The following DENND2A variants were observed in gnomAD, a reference collection of about 807,000 sequenced individuals.
DENND2A encodes DENN domain-containing protein 2A.
In DENND2A, 53 loss-of-function variants were observed where a neutral mutation model predicts 105.3. That is an observed-to-expected ratio of 0.50 (90% CI 0.40 to 0.63). The LOEUF is 0.63. DENND2A is among the 30% of genes least tolerant of loss of function. The pLI, the probability that DENND2A is intolerant of heterozygous loss-of-function variation, is 0.00. For missense variants in DENND2A, 1,138 were observed against 1,279.6 expected, an observed-to-expected ratio of 0.89 and a Z score of 1.69; for synonymous variants, 522 against 508.4, an observed-to-expected ratio of 1.03 and a Z score of -0.36.
intron 18 of DENND2A, among the ~76,000 whole-genome samples, chr7:140,521,621 A>G (rs979197091): frequency 6.6e-6 from 1 of 152,108 alleles, no homozygotes; most frequent in African/African-American, 2.4e-5. Context: ...ATAGAAGGAG[A>G]CCCTGCCACA....
chr7:140,560,290 C>T (rs1797561814), intron 9 of DENND2A, among the ~76,000 whole-genome samples: 1 of 152,130 alleles, frequency 6.6e-6, no homozygotes, highest in Admixed American at 6.6e-5. Context: ...TAATTTCAGA[C>T]AGTCATTGAG....
chr7:140,591,063 C>G (rs1048675772), intron 3 of DENND2A, among the ~76,000 whole-genome samples: 1 of 152,014 alleles, frequency 6.6e-6, no homozygotes, highest in African/African-American at 2.4e-5. Flanking sequence ...TTTGGGAGGC[C>G]GAAGCAGGTG....
In DENND2A at chr7:140,523,176, A is replaced by T; in HGVS notation, c.2665+131T>A. 1.2e-6 allele frequency: 1 copy of T among 802,392 alleles called. No homozygotes were observed. The highest frequency in any genetic ancestry group is 2.1e-6 in the Non-Finnish European group (1 of 480,298). 49.7% of individuals were successfully genotyped at this position (802,392 alleles called of 1,614,324 possible). On this transcript the variant is annotated intron_variant, in intron 17 of 19. Transcript: ENST00000496613. The surrounding 1 kb of genome is among the most constrained non-coding windows in gnomAD (Gnocchi z 4.5). ...GTGGGAATGAAATCCAGATAAACAGAATGAGGCCCTGGTTTCTCTCCTTAT... is the reference window on the plus strand; with the variant it reads ...GTGGGAATGAAATCCAGATAAACAGTATGAGGCCCTGGTTTCTCTCCTTAT...
chr7:140,598,782 A>G (rs1693979016), intron 3 of DENND2A, among the ~76,000 whole-genome samples: 2 of 152,166 alleles, frequency 1.3e-5, no homozygotes, highest in Admixed American at 6.5e-5. Context: ...AAACCCCCAC[A>G]TATTTTATGT....
chr7:140,546,921 T>C lies in DENND2A; in HGVS notation c.2056A>G (p.Lys686Glu). The C allele has an allele frequency of 6.2e-7, 1 of 1,613,506 alleles. No individual in the cohort carries two copies. The highest frequency in any genetic ancestry group is 8.5e-7 in the Non-Finnish European group (1 of 1,179,614). ...AGGGCAGGAGAGATGCCTCGTCTTT[T>C]TTCCACCTCATCCAAGATCTGCAAG... The part of the protein sequence containing the change: ...LFSRILDEVE[K>E]RRGISPALVQ... The change falls in exon 13 of 20, where the codon AAA becomes GAA. Residue 686 changes from lysine to glutamate, a missense_variant. Lys to Glu is a moderately conservative substitution (Grantham distance 56). Transcript: ENST00000496613.
Position 140,559,936 on chromosome 7 carries a change from C to G in DENND2A, c.1780-119G>C. The G allele has an allele frequency of 1.3e-6, 1 of 771,174 alleles. No individual in the cohort carries two copies. Among genetic ancestry groups the G allele is most frequent in the South Asian group, 1.5e-5 (1 of 67,366 alleles). The allele number at this position is 771,174 out of a possible 1,614,324, so 47.8% of individuals were successfully genotyped here. A position where few individuals can be genotyped will look rare whatever the true frequency, so the allele number is the denominator to read the frequency against. ...ACATTTGTGACTGCCGCCTTAGCCT[C>G]TTCCCTTGGGAAGAGCTTGCAGCTC... On this transcript the variant is annotated intron_variant, in intron 9 of 19. Coordinates refer to ENST00000496613, the MANE Select transcript of DENND2A (RefSeq NM_015689.5). This position sits in a 1 kb window ranked among gnomAD's most constrained non-coding sequence, Gnocchi z 4.1.
At chr7:140,553,609 A>T (rs1346856059) in intron 12 of DENND2A, among the ~76,000 whole-genome samples, 1 of 152,184 alleles carries the variant, frequency 6.6e-6, no homozygotes, top group African/African-American at 2.4e-5. Flanking sequence ...GAAATCTTGG[A>T]CAATACCTGG....
intron 5 of DENND2A, among the ~76,000 whole-genome samples, chr7:140,578,784 G>A (rs1798412235): frequency 6.6e-6 from 1 of 152,222 alleles, no homozygotes; most frequent in African/African-American, 2.4e-5. Context: ...TGAGACAGGA[G>A]AATCGCTTGA....
At chr7:140,586,845 G>T (rs939600245) in intron 4 of DENND2A, among the ~76,000 whole-genome samples, 1 of 152,116 alleles carries the variant, frequency 6.6e-6, no homozygotes, top group Admixed American at 6.6e-5. Flanking sequence ...ATGATTACAT[G>T]CCAGCATGTC....
At chr7:140,595,202 TC>T (rs1451124879) in intron 3 of DENND2A, among the ~76,000 whole-genome samples, 3 of 151,716 alleles carry the variant, frequency 2.0e-5, no homozygotes, top group Admixed American at 6.6e-5. Flanking sequence ...AGACAGAGTT[TC>T]CCCATGTTAG....
At chr7:140,585,437 G>T in intron 5 of DENND2A, 152 bp downstream of exon 5, 1 of 1,047,610 alleles carries the variant, frequency 9.5e-7, no homozygotes, top group Non-Finnish European at 1.4e-6. Flanking sequence ...ACTAGAGGGA[G>T]GAAGACCAGT....
At chr7:140,538,332 C>G (rs777907581) in intron 14 of DENND2A, among the ~76,000 whole-genome samples, 2 of 152,062 alleles carry the variant, frequency 1.3e-5, no homozygotes, top group Non-Finnish European at 2.9e-5. Flanking sequence ...GTCCTGTTCT[C>G]ATGCCCTGTT....
At chr7:140,615,006 A>G (rs6964929) in intron 1 of DENND2A, among the ~76,000 whole-genome samples, 9,221 of 152,144 alleles carry the variant, frequency 0.061, 896 homozygotes, top group African/African-American at 0.21. Flanking sequence ...AGCTGGGACT[A>G]CAGGTGTGCA....
chr7:140,527,942 G>C lies in DENND2A; in HGVS notation c.2328-447C>G. On this transcript the variant is annotated intron_variant, in intron 14 of 19. Coordinates refer to ENST00000496613, the MANE Select transcript of DENND2A (RefSeq NM_015689.5). The surrounding 1 kb of genome is among the most constrained non-coding windows in gnomAD (Gnocchi z 4.9). Reference sequence around the variant, plus strand: ...CTCTGCCTCCCAGGTTCAGGTTCAAGCAATTCTCCCACCTCGGCCTCCTGA... The same window carrying C: ...CTCTGCCTCCCAGGTTCAGGTTCAACCAATTCTCCCACCTCGGCCTCCTGA... Among the ~76,000 whole-genome samples the C allele has an allele frequency of 6.6e-6, 1 of 151,986 alleles. No homozygotes were observed.
chr7:140,542,565 CTTT>C lies in DENND2A; in HGVS notation c.2327+2050_2327+2052del, dbSNP rs771623397. Among the ~76,000 whole-genome samples the C allele has an allele frequency of 2.3e-3, 259 of 111,988 alleles. 1 individual carries two copies. The highest frequency in any genetic ancestry group is 0.018 in the South Asian group (61 of 3,360). The allele number at this position is 111,988 out of a possible 152,430, so 73.5% of individuals were successfully genotyped here. A position where few individuals can be genotyped will look rare whatever the true frequency, so the allele number is the denominator to read the frequency against. Reference sequence around the variant, plus strand: ...CTACTTTGCAGTTCTTTTTCTCTCTCTTTTTTTTTTTTTTTTTTTTTTGAGTTT... The same window carrying C: ...CTACTTTGCAGTTCTTTTTCTCTCTCTTTTTTTTTTTTTTTTTTTGAGTTT... On this transcript the variant is annotated intron_variant, in intron 14 of 19. Coordinates refer to ENST00000496613, the MANE Select transcript of DENND2A (RefSeq NM_015689.5).
intron 1 of DENND2A, among the ~76,000 whole-genome samples, chr7:140,610,308 A>C (rs1799848127): frequency 6.6e-6 from 1 of 150,606 alleles, no homozygotes; most frequent in Non-Finnish European, 1.5e-5. Context: ...AAAAAAAAAA[A>C]GCCAGATGGG....
At chr7:140,587,813 G>T in intron 3 of DENND2A, 33 bp from the exon 4 acceptor site, 3 of 1,516,318 alleles carry the variant, frequency 2.0e-6, no homozygotes, top group Non-Finnish European at 2.7e-6. Context: ...AAAAAACAAA[G>T]AATTTGAATC....
chr7:140,588,829 G>A (rs1798894650), intron 3 of DENND2A, among the ~76,000 whole-genome samples: 1 of 144,386 alleles, frequency 6.9e-6, no homozygotes, highest in African/African-American at 2.6e-5. Flanking sequence ...TGCAACCTCT[G>A]CCTCCTGGGT....
intron 17 of DENND2A, 133 bp from the exon 18 acceptor site, chr7:140,522,233 G>A (rs1795887239): frequency 1.2e-5 from 14 of 1,176,182 alleles, no homozygotes; most frequent in Non-Finnish European, 1.3e-5. Flanking sequence ...TATCCAGGAG[G>A]AGGGTTACCC....
Sources: allele counts gnomAD v4.1 joint callset (sites outside exome capture counted in the v4.1 genomes callset), GRCh38; gene constraint gnomAD v4.1.1; non-coding constraint Gnocchi (gnomAD v3.1); transcripts MANE v1.5; gene names NCBI Gene and HGNC (gene_info 2026-07-23, HGNC 2026-07-21).